The following MET variants were observed in gnomAD, a reference collection of about 807,000 sequenced individuals.
MET encodes the protein MET proto-oncogene, receptor tyrosine kinase.
MET carries 48 observed loss-of-function variants against 133.1 expected under a neutral mutation model. The observed-to-expected ratio is 0.36, with a 90% CI of 0.29 to 0.46. The LOEUF is 0.46. MET is among the 20% of genes least tolerant of loss of function. The pLI, the probability that MET is intolerant of heterozygous loss-of-function variation, is 1.00. For synonymous variants in MET, 628 were observed against 616.5 expected (o/e 1.02, Z -0.28); for missense variants, 1,442 against 1,695.9 (o/e 0.85, Z 2.63).
chr7:116,730,789 T>C (rs1302028245), intron 2 of MET, among the ~76,000 whole-genome samples: 3 of 152,044 alleles, frequency 2.0e-5, no homozygotes, highest in African/African-American at 4.8e-5. Flanking sequence ...AGGAGGAAGA[T>C]TGTGGTTTCT....
At chr7:116,691,006 T>A (rs935451509) in intron 1 of MET, among the ~76,000 whole-genome samples, 2 of 152,340 alleles carry the variant, frequency 1.3e-5, no homozygotes, top group Middle Eastern at 6.8e-3. Flanking sequence ...ATAATATAAA[T>A]GTGGACAGGG....
chr7:116,702,061 T>C (rs1006016023), intron 2 of MET, among the ~76,000 whole-genome samples: 4 of 152,148 alleles, frequency 2.6e-5, no homozygotes, highest in Non-Finnish European at 5.9e-5. Context: ...TCAAAACACA[T>C]CTGAATTTTA....
intron 1 of MET, among the ~76,000 whole-genome samples, chr7:116,680,454 C>G (rs1463163813): frequency 6.6e-6 from 1 of 151,938 alleles, no homozygotes; most frequent in Non-Finnish European, 1.5e-5. Context: ...AATTCTTATG[C>G]CATATATAGA....
intron 1 of MET, among the ~76,000 whole-genome samples, chr7:116,682,551 A>G (rs939526510): frequency 6.6e-6 from 1 of 152,240 alleles, no homozygotes; most frequent in East Asian, 1.9e-4. Flanking sequence ...CTGATGAATT[A>G]TATAAACATT....
rs1283205419 is a variant in MET at position 116,771,629 on chromosome 7, G to C, written c.2862G>C (p.Trp954Cys). Reference sequence around the variant, plus strand: ...TATTACTACTTGGGTTTTTCCTGTGGCTGAAAAAGAGAAAGCAAATTAAAG... The same window carrying C: ...TATTACTACTTGGGTTTTTCCTGTGCCTGAAAAAGAGAAAGCAAATTAAAG... Reference protein sequence around the residue: ...ALLLLLGFFLWLKKRKQIKDL... With the variant: ...ALLLLLGFFLCLKKRKQIKDL... The change falls in exon 13 of 21, where the codon TGG becomes TGC. Residue 954 changes from tryptophan to cysteine, a missense_variant. Around this residue, in one of 6 missense-constraint regions of MET, gnomAD observed 514 missense variants for 659.6 expected, o/e 0.78. Coordinates refer to ENST00000397752, the MANE Select transcript of MET (RefSeq NM_000245.4). 1 of 1,613,832 alleles carries C rather than the reference G, an allele frequency of 6.2e-7. No homozygotes were observed. The highest frequency in any genetic ancestry group is 1.1e-5 in the South Asian group (1 of 91,068).
At chr7:116,719,552 G>T (rs1440010692) in intron 2 of MET, among the ~76,000 whole-genome samples, 1 of 152,150 alleles carries the variant, frequency 6.6e-6, no homozygotes, top group Non-Finnish European at 1.5e-5. Flanking sequence ...TTTTGGACAT[G>T]AAGTCCTTGC....
chr7:116,720,122 G>A lies in MET; in HGVS notation c.1201-11546G>A, dbSNP rs569925845. On this transcript the variant is annotated intron_variant, in intron 2 of 20. Coordinates refer to ENST00000397752, the MANE Select transcript of MET (RefSeq NM_000245.4). ...CGATATGGATTCTTCCTACCCATGA[G>A]CATGTTCTTCCATTTGTTTGTATCC... Among the ~76,000 whole-genome samples the A allele has an allele frequency of 9.7e-4, 148 of 152,300 alleles. 1 individual carries two copies. The highest frequency in any genetic ancestry group is 3.4e-3 in the African/African-American group (143 of 41,554).
In MET at chr7:116,757,349, TTTAGAG is replaced by T. The variant is rs1332611671; in HGVS notation, c.1863-84_1863-79del. ...GCTATTCAAAGCAGTCAGCTCACCA[TTTAGAG>T]TTAATGTCACTTCCTATAAAACAAC... On this transcript the variant is annotated intron_variant, in intron 6 of 20. Coordinates refer to ENST00000397752, the MANE Select transcript of MET (RefSeq NM_000245.4). 3.3e-5 allele frequency: 35 copies of T among 1,066,014 alleles called. No homozygotes were observed. In the South Asian group the frequency reaches 4.2e-4, roughly 13 times the overall value. The allele number at this position is 1,066,014 out of a possible 1,614,324, so 66.0% of individuals were successfully genotyped here. A position where few individuals can be genotyped will look rare whatever the true frequency, so the allele number is the denominator to read the frequency against.
intron 1 of MET, among the ~76,000 whole-genome samples, chr7:116,690,256 C>T (rs1286148199): frequency 6.6e-6 from 1 of 152,120 alleles, no homozygotes; most frequent in Non-Finnish European, 1.5e-5. Context: ...AGTTTATCTC[C>T]AACTCTCATG....
At chr7:116,766,873 G>A (rs547532029) in intron 11 of MET, among the ~76,000 whole-genome samples, 2 of 152,236 alleles carry the variant, frequency 1.3e-5, no homozygotes, top group East Asian at 1.9e-4. Flanking sequence ...TTTAATTTTG[G>A]TTTGCCCAGC....
At chr7:116,688,052 T>C (rs996232306) in intron 1 of MET, among the ~76,000 whole-genome samples, 30 of 152,218 alleles carry the variant, frequency 2.0e-4, no homozygotes, top group African/African-American at 7.2e-4. Context: ...AATTGTACCA[T>C]GCTTTATGCC....
intron 19 of MET, among the ~76,000 whole-genome samples, chr7:116,788,767 G>A (rs140864161): frequency 4.5e-4 from 69 of 152,328 alleles, no homozygotes; most frequent in Middle Eastern, 3.4e-3. Context: ...CCAAAAGCAT[G>A]CAATGAGCTA....
chr7:116,716,235 A>G (rs1792186287), intron 2 of MET, among the ~76,000 whole-genome samples: 2 of 146,912 alleles, frequency 1.4e-5, no homozygotes, highest in Non-Finnish European at 3.0e-5. Context: ...CCTGGGTGAC[A>G]GAGCCAGAGC....
intron 10 of MET, 140 bp from the exon 11 acceptor site, chr7:116,762,907 GTGT>G: frequency 1.4e-6 from 1 of 733,528 alleles, no homozygotes; most frequent in South Asian, 1.6e-5. Context: ...TTCCAGAAAT[GTGT>G]AGTCTAACAT....
chr7:116,765,487 A>C (rs1794591940), intron 11 of MET, among the ~76,000 whole-genome samples: 1 of 151,970 alleles, frequency 6.6e-6, no homozygotes, highest in Non-Finnish European at 1.5e-5. Flanking sequence ...AATTCATAGT[A>C]AGCCCAGTGA....
rs1793421596 is a variant in MET, at chr7:116,740,918, G to A, written c.1594G>A (p.Ala532Thr). The A allele has an allele frequency of 1.2e-6, 2 of 1,614,138 alleles. No homozygotes were observed. The highest frequency in any genetic ancestry group is 1.7e-5 in the Admixed American group (1 of 60,016). Residue 532 changes from alanine (A) to threonine (T), a missense_variant, in exon 5 of 21, where the codon GCC (alanine) becomes ACC (threonine). Ala to Thr is a moderately conservative substitution (Grantham distance 58). Transcript: ENST00000397752. ...CCAGTCCTGCAGTCAATGCCTCTCT[G>A]CCCCACCCTTTGTTCAGTGTGGCTG... Reference protein sequence around the residue: ...HFQSCSQCLSAPPFVQCGWCH... With the variant: ...HFQSCSQCLSTPPFVQCGWCH...
Position 116,685,600 on chromosome 7 carries a change from C to T in MET, c.-15+13023C>T, listed in dbSNP as rs554810103. 1.5e-4 allele frequency among the ~76,000 whole-genome samples: 23 copies of T among 152,182 alleles called. 1 individual carries two copies. The highest frequency in any genetic ancestry group is 1.0e-3 in the South Asian group (5 of 4,818). On this transcript the variant is annotated intron_variant, in intron 1 of 20. Transcript: ENST00000397752. ...ACTCAGGAGGCTGAGGCAGGAGAAT[C>T]GCTTGAACTTGGGAGGCGGAGGTTG...
chr7:116,699,587 A>G lies in MET; in HGVS notation c.503A>G (p.Glu168Gly), dbSNP rs761354855. 6.2e-7 allele frequency: 1 copy of G among 1,614,006 alleles called. No individual in the cohort carries two copies. Among genetic ancestry groups the G allele is most frequent in the South Asian group, 1.1e-5 (1 of 91,080 alleles). Residue 168 changes from glutamate to glycine, a missense_variant, in exon 2 of 21, where the codon GAG (glutamate) becomes GGG (glycine). Coordinates refer to ENST00000397752, the MANE Select transcript of MET (RefSeq NM_000245.4). ...TGCATATTCTCCCCACAGATAGAAG[A>G]GCCCAGCCAGTGTCCTGACTGTGTG... ...VHCIFSPQIE[E>G]PSQCPDCVVS...
chr7:116,681,083 A>T (rs1360463500), intron 1 of MET, among the ~76,000 whole-genome samples: 1 of 152,100 alleles, frequency 6.6e-6, no homozygotes, highest in Non-Finnish European at 1.5e-5. Context: ...CTTGTGTTAC[A>T]TGTGGTTTGA....
Sources: allele counts gnomAD v4.1 joint callset (sites outside exome capture counted in the v4.1 genomes callset), GRCh38; gene constraint gnomAD v4.1.1; regional missense constraint gnomAD v4.1.1; transcripts MANE v1.5; gene names NCBI Gene and HGNC (gene_info 2026-07-23, HGNC 2026-07-21).